The following MXI1 variants were observed in gnomAD, a reference collection of about 807,000 sequenced individuals.
The protein encoded by MXI1 is MAX interactor 1, dimerization protein, also known as max-interacting protein 1.
In MXI1, 18 loss-of-function variants were observed where a neutral mutation model predicts 36.9. That is an observed-to-expected ratio of 0.49 (90% CI 0.34 to 0.72). MXI1 has a LOEUF of 0.72. Among genes scored for constraint, MXI1 ranks in the 30% least tolerant of loss-of-function variants. The pLI is 0.01. For synonymous variants in MXI1, 160 were observed against 146.7 expected, an observed-to-expected ratio of 1.09 and a Z score of -0.65; for missense variants, 304 against 379.1, an observed-to-expected ratio of 0.80 and a Z score of 1.64.
intron 1 of MXI1, among the ~76,000 whole-genome samples, chr10:110,225,412 T>C (rs1854929038): frequency 6.6e-6 from 1 of 152,200 alleles, no homozygotes; most frequent in African/African-American, 2.4e-5. Flanking sequence ...GTGTGGAAGC[T>C]GAGGTGGAAG....
At chr10:110,239,815 A>G (rs1564713072) in intron 2 of MXI1, among the ~76,000 whole-genome samples, 2 of 152,186 alleles carry the variant, frequency 1.3e-5, no homozygotes, top group Non-Finnish European at 2.9e-5. Flanking sequence ...AAAAAAGCAT[A>G]CAAATCCTGT....
rs1354151890 is a variant in MXI1 at position 110,285,048 on chromosome 10, A to G, written c.*61A>G. The G allele has an allele frequency of 1.6e-5, 24 of 1,476,638 alleles. No individual in the cohort carries two copies. Among genetic ancestry groups the G allele is most frequent in the Admixed American group, 4.5e-5 (2 of 44,502 alleles). 91.5% of individuals were successfully genotyped at this position (1,476,638 alleles called of 1,614,324 possible). A position where few individuals can be genotyped will look rare whatever the true frequency, so the allele number is the denominator to read the frequency against. On this transcript the variant is annotated 3_prime_UTR_variant, in exon 6 of 6. Transcript: ENST00000332674. ...TCACTGGGCCAATTCAATACAAACA[A>G]TCTCTTAAATTGGGTTCATGATGCA...
chr10:110,214,588 T>C (rs1006544044), intron 1 of MXI1, among the ~76,000 whole-genome samples: 7 of 152,114 alleles, frequency 4.6e-5, no homozygotes, highest in Admixed American at 2.0e-4. Flanking sequence ...GCATCAGTCA[T>C]TGTGGCTTGT....
rs762734214 is a variant in MXI1, at chr10:110,285,276, T to C, written c.*289T>C. On this transcript the variant is annotated 3_prime_UTR_variant, in exon 6 of 6. Transcript: ENST00000332674. ...GTGAAATTTTCTTGATTTGAGTTGA[T>C]TGAGAAGAGGACATTGGAGATGCCA... is the stretch of plus-strand genomic sequence containing the variant. 11 of 254,806 alleles carry C rather than the reference T, an allele frequency of 4.3e-5. No homozygotes were observed. The highest frequency in any genetic ancestry group is 6.7e-5 in the Non-Finnish European group (9 of 135,230). 15.8% of individuals were successfully genotyped at this position (254,806 alleles called of 1,614,324 possible).
chr10:110,269,276 G>A (rs1460296815), intron 3 of MXI1, among the ~76,000 whole-genome samples: 1 of 152,122 alleles, frequency 6.6e-6, no homozygotes, highest in Non-Finnish European at 1.5e-5. Context: ...GATTGTTCCT[G>A]TTCCATTTAA....
intron 3 of MXI1, among the ~76,000 whole-genome samples, chr10:110,267,078 A>G (rs1245166115): frequency 6.6e-6 from 1 of 152,204 alleles, no homozygotes; most frequent in African/African-American, 2.4e-5. Flanking sequence ...AAGATAAGGG[A>G]GAAACTTGGA....
At chr10:110,235,804 T>C (rs1855444668) in intron 2 of MXI1, among the ~76,000 whole-genome samples, 1 of 150,136 alleles carries the variant, frequency 6.7e-6, no homozygotes, top group South Asian at 2.1e-4. Flanking sequence ...AGGTCAGGAG[T>C]TCTAGACCAG....
At chr10:110,250,769 T>A (rs1310884407) in intron 3 of MXI1, among the ~76,000 whole-genome samples, 1 of 150,180 alleles carries the variant, frequency 6.7e-6, no homozygotes, top group Non-Finnish European at 1.5e-5. Context: ...GAGGTAGAGG[T>A]TGCAATGAGC....
intron 3 of MXI1, among the ~76,000 whole-genome samples, chr10:110,260,419 GTGTGT>G (rs1856469029): frequency 2.5e-4 from 2 of 8,132 alleles, no homozygotes; most frequent in African/African-American, 4.8e-4. Flanking sequence ...TGATACAGGT[GTGTGT>G]GTGTGTGTGT....
At chr10:110,226,208 C>T (rs974194984) in intron 1 of MXI1, 197 of 1,477,748 alleles carry the variant, frequency 1.3e-4, no homozygotes, top group Non-Finnish European at 1.7e-4. Flanking sequence ...ACCCGCGGTG[C>T]CCATGGAGCG....
At chr10:110,254,617 G>A (rs994248795) in intron 3 of MXI1, among the ~76,000 whole-genome samples, 2 of 152,156 alleles carry the variant, frequency 1.3e-5, no homozygotes, top group African/African-American at 4.8e-5. Flanking sequence ...CAAAGGGAAA[G>A]TTCTTAAAGG....
Position 110,228,194 on chromosome 10 carries a change from G to C in MXI1, c.280G>C (p.Glu94Gln). Reference protein sequence around the residue: ...EQIEKENKKCEHGYASSFPSM... With the variant: ...EQIEKENKKCQHGYASSFPSM... ...TTTTTTCTTGCTTTCTTCAGAGTGT[G>C]AACATGGCTACGCCTCTTCATTCCC... is the stretch of plus-strand genomic sequence containing the variant. The change falls in exon 2 of 6, where the codon GAA becomes CAA. Residue 94 changes from glutamate to glutamine, a missense_variant. Transcript: ENST00000332674. 1 of 1,613,958 alleles carries C rather than the reference G, an allele frequency of 6.2e-7. No individual in the cohort carries two copies. Among genetic ancestry groups the C allele is most frequent in the Non-Finnish European group, 8.5e-7 (1 of 1,179,996 alleles).
chr10:110,260,459 A>G (rs966331311), intron 3 of MXI1, among the ~76,000 whole-genome samples: 5 of 142,946 alleles, frequency 3.5e-5, no homozygotes, highest in Admixed American at 7.0e-5. Flanking sequence ...GTGTGTGTGT[A>G]TACGCCCACA....
Position 110,237,589 on chromosome 10 carries a change from T to G in MXI1, c.408-7239T>G, listed in dbSNP as rs894147428. ...AGTACTGATACTAACAACACAGAGC[T>G]AAAACAAACTTCACAGGTTTGAGGA... On this transcript the variant is annotated intron_variant, in intron 2 of 5. Coordinates refer to ENST00000332674, the MANE Select transcript of MXI1 (RefSeq NM_130439.3). Among the ~76,000 whole-genome samples, 6 of 152,294 alleles carry G rather than the reference T, an allele frequency of 3.9e-5. No individual in the cohort carries two copies. In the East Asian group the frequency reaches 1.2e-3, roughly 29 times the overall value.
At chr10:110,238,217 C>T (rs1045432573) in intron 2 of MXI1, among the ~76,000 whole-genome samples, 1 of 152,166 alleles carries the variant, frequency 6.6e-6, no homozygotes, top group African/African-American at 2.4e-5. Context: ...CAGTACTTCT[C>T]TCCCCTGTGT....
intron 1 of MXI1, chr10:110,226,166 C>T: frequency 1.4e-6 from 2 of 1,419,300 alleles, no homozygotes; most frequent in African/African-American, 3.0e-5. Flanking sequence ...CCTGTCGGCC[C>T]GAGAAGGGAG....
chr10:110,280,236 T>C, intron 5 of MXI1, 151 bp downstream of exon 5: 1 of 512,686 alleles, frequency 2.0e-6, no homozygotes, highest in East Asian at 3.6e-5. Flanking sequence ...TCTACAGCAG[T>C]GCCAGTGTGG....
intron 2 of MXI1, among the ~76,000 whole-genome samples, chr10:110,241,194 T>C (rs1855656024): frequency 6.6e-6 from 1 of 152,008 alleles, no homozygotes; most frequent in Non-Finnish European, 1.5e-5. Context: ...CGAAAAAGAT[T>C]ACCTGTGATT....
intron 3 of MXI1, among the ~76,000 whole-genome samples, chr10:110,246,941 T>C (rs1855887841): frequency 6.6e-6 from 1 of 152,232 alleles, no homozygotes; most frequent in Non-Finnish European, 1.5e-5. Flanking sequence ...AATTGAAGTT[T>C]ACTCTAAATT....
Sources: gnomAD v4.1 joint callset for allele counts (sites outside exome capture counted in the v4.1 genomes callset) on GRCh38, gnomAD v4.1.1 for gene constraint, MANE v1.5 for transcripts, NCBI Gene and HGNC (gene_info 2026-07-23, HGNC 2026-07-21) for gene names.